Variants in DRAM2 observed in about 807,000 individuals in gnomAD.
DRAM2 encodes the protein DNA damage-regulated autophagy modulator protein 2.
Under a neutral mutation model 33.5 loss-of-function variants are expected in DRAM2, and 26 were observed. The ratio of observed to expected loss-of-function variants is 0.78; its 90% confidence interval spans 0.57 to 1.08. DRAM2 has a LOEUF of 1.08. Ranked by LOEUF, DRAM2 falls within the 50% of genes least tolerant of loss-of-function variation. The pLI, the probability that DRAM2 is intolerant of heterozygous loss-of-function variation, is 0.00. For missense variants in DRAM2, 311 were observed against 318.1 expected (o/e 0.98, Z 0.17); for synonymous variants, 98 against 109.5 (o/e 0.89, Z 0.66).
At chr1:111,127,407 A>C (rs1651223053) in intron 4 of DRAM2, among the ~76,000 whole-genome samples, 1 of 152,144 alleles carries the variant, frequency 6.6e-6, no homozygotes, top group Non-Finnish European at 1.5e-5. Context: ...GAAAGTATTA[A>C]ACATGAATTG....
intron 4 of DRAM2, among the ~76,000 whole-genome samples, chr1:111,131,068 AT>A (rs1280213497): frequency 6.6e-6 from 1 of 152,094 alleles, no homozygotes; most frequent in Non-Finnish European, 1.5e-5. Flanking sequence ...CATGTTTGTC[AT>A]TTCCATTATC....
At chr1:111,136,385 T>G (rs1340900326) in intron 3 of DRAM2, among the ~76,000 whole-genome samples, 3 of 151,956 alleles carry the variant, frequency 2.0e-5, no homozygotes, top group Non-Finnish European at 4.4e-5. Flanking sequence ...GCCAGCACGG[T>G]GAAACCCAGT....
At chr1:111,131,737 G>A (rs926240714) in intron 3 of DRAM2, among the ~76,000 whole-genome samples, 169 bp from the exon 4 acceptor site, 3 of 152,054 alleles carry the variant, frequency 2.0e-5, no homozygotes, top group African/African-American at 7.2e-5. Context: ...CTTAGTGAGC[G>A]CAACCAAGAT....
intron 6 of DRAM2, among the ~76,000 whole-genome samples, chr1:111,123,535 A>G (rs1198461205): frequency 2.0e-5 from 3 of 152,122 alleles, no homozygotes; most frequent in African/African-American, 4.8e-5. Context: ...CACCATAAAT[A>G]TATCACCTCT....
rs376956926 is a variant in DRAM2, at chr1:111,119,822, A to C, written c.600+55T>G. ...ATGAAATGAAAAACATATCAAGATCAATCAAAATAACCATCTTTAATATAA... is the reference window on the plus strand; with the variant it reads ...ATGAAATGAAAAACATATCAAGATCCATCAAAATAACCATCTTTAATATAA... On this transcript the variant is annotated intron_variant, in intron 8 of 9. Coordinates refer to ENST00000484310, the MANE Select transcript of DRAM2 (RefSeq NM_001349884.2). The C allele has an allele frequency of 4.4e-6, 6 of 1,354,140 alleles. No individual in the cohort carries two copies. The East Asian group carries it at 1.2e-4, about 26-fold the overall frequency. 83.9% of individuals were successfully genotyped at this position (1,354,140 alleles called of 1,614,324 possible).
Position 111,118,086 on chromosome 1 carries a change from G to A in DRAM2, c.*74C>T, listed in dbSNP as rs1649266855. On this transcript the variant is annotated 3_prime_UTR_variant, in exon 10 of 10. Coordinates refer to ENST00000484310, the MANE Select transcript of DRAM2 (RefSeq NM_001349884.2). ...TTAAGTGGTTGAAAATTTCAGAGAA[G>A]AATAAGCAACTTCTGTGAACCTTTC... The A allele has an allele frequency of 2.0e-5, 28 of 1,425,120 alleles. No homozygotes were observed. The South Asian group carries it at 3.2e-4, about 16-fold the overall frequency. The allele number at this position is 1,425,120 out of a possible 1,614,324, so 88.3% of individuals were successfully genotyped here.
At chr1:111,138,617 C>T (rs1653792453) in intron 2 of DRAM2, among the ~76,000 whole-genome samples, 1 of 152,158 alleles carries the variant, frequency 6.6e-6, no homozygotes, top group African/African-American at 2.4e-5. Context: ...CACCCTGTCT[C>T]TACTAAAAAT....
intron 2 of DRAM2, among the ~76,000 whole-genome samples, chr1:111,138,284 C>T (rs1014062390): frequency 3.3e-5 from 5 of 152,080 alleles, no homozygotes; most frequent in African/African-American, 1.2e-4. Flanking sequence ...TACCAGTTTG[C>T]GAATGACAAC....
chr1:111,131,689 C>T lies in DRAM2; in HGVS notation c.-14-121G>A, dbSNP rs958857747. ...AAGCTGTTTCACCTCTGAAATCATC[C>T]CTCATGCCATACCCCAATACTCGCT... On this transcript the variant is annotated intron_variant, in intron 3 of 9. Coordinates refer to ENST00000484310, the MANE Select transcript of DRAM2 (RefSeq NM_001349884.2). 6 of 879,212 alleles carry T rather than the reference C, an allele frequency of 6.8e-6. No individual in the cohort carries two copies. In the African/African-American group the frequency reaches 1.0e-4, roughly 15 times the overall value. 54.5% of individuals were successfully genotyped at this position (879,212 alleles called of 1,614,324 possible).
intron 3 of DRAM2, among the ~76,000 whole-genome samples, chr1:111,135,639 T>A (rs1653005998): frequency 6.6e-6 from 1 of 152,250 alleles, no homozygotes; most frequent in Non-Finnish European, 1.5e-5. Context: ...TCCTTCTTTT[T>A]CTTCAAAAGC....
At chr1:111,121,112 T>C (rs569939870) in intron 6 of DRAM2, among the ~76,000 whole-genome samples, 3 of 152,146 alleles carry the variant, frequency 2.0e-5, no homozygotes, top group East Asian at 3.9e-4. Flanking sequence ...TTCCAGTGTG[T>C]CTGATGGTGA....
chr1:111,133,836 C>T (rs1296704364), intron 3 of DRAM2, among the ~76,000 whole-genome samples: 1 of 152,224 alleles, frequency 6.6e-6, no homozygotes, highest in Non-Finnish European at 1.5e-5. Context: ...TAGAACACTA[C>T]CTACCCAGTT....
chr1:111,130,629 G>T (rs953310651), intron 4 of DRAM2, among the ~76,000 whole-genome samples: 1 of 151,876 alleles, frequency 6.6e-6, no homozygotes, highest in African/African-American at 2.4e-5. Context: ...GAACCTGGGA[G>T]GCGGAAGTTG....
chr1:111,126,372 C>T, intron 4 of DRAM2, 78 bp from the exon 5 acceptor site: 1 of 824,562 alleles, frequency 1.2e-6, no homozygotes, highest in Non-Finnish European at 2.1e-6. Context: ...ATAAGAATAT[C>T]AGGAGTTAAT....
rs186676408 is a variant in DRAM2, at chr1:111,119,886, G to A, written c.591C>T (p.Pro197=). 1.4e-5 allele frequency: 22 copies of A among 1,612,342 alleles called. No individual in the cohort carries two copies. Among genetic ancestry groups the A allele is most frequent in the Middle Eastern group, 1.7e-4 (1 of 6,054 alleles). The change falls in exon 8 of 10, where the codon CCC becomes CCT. Residue 197 remains proline (P), a synonymous_variant. Coordinates refer to ENST00000484310, the MANE Select transcript of DRAM2 (RefSeq NM_001349884.2). ...TDLEQKLHWN[P]EDKGYVLHMI... ...GACTGTAAGTTCTTACTTTGTCCTCGGGGTTCCAATGGAGTTTCTGTTCTA... is the reference window on the plus strand; with the variant it reads ...GACTGTAAGTTCTTACTTTGTCCTCAGGGTTCCAATGGAGTTTCTGTTCTA...
At chr1:111,120,005 GAACA>G (rs1300226324) in intron 7 of DRAM2, 46 bp from the exon 8 acceptor site, 1 of 1,520,724 alleles carries the variant, frequency 6.6e-7, no homozygotes, top group Non-Finnish European at 9.1e-7. Flanking sequence ...CGATCTCAGA[GAACA>G]AAAATCACTT....
At chr1:111,131,284 T>C (rs1652021325) in intron 4 of DRAM2, 140 bp downstream of exon 4, 16 of 939,874 alleles carry the variant, frequency 1.7e-5, no homozygotes, top group Admixed American at 5.9e-5. Flanking sequence ...CAAATTCAAG[T>C]TCCTTTTTAT....
chr1:111,117,907 T>A lies in DRAM2; in HGVS notation c.*253A>T. Reference sequence around the variant, plus strand: ...AAATAAGGTATAAAAAACTATGATATCATAGTCTTTTGACTTTATTTTCTG... The same window carrying A: ...AAATAAGGTATAAAAAACTATGATAACATAGTCTTTTGACTTTATTTTCTG... On this transcript the variant is annotated 3_prime_UTR_variant, in exon 10 of 10. Coordinates refer to ENST00000484310, the MANE Select transcript of DRAM2 (RefSeq NM_001349884.2). 1 of 474,202 alleles carries A rather than the reference T, an allele frequency of 2.1e-6. No individual in the cohort carries two copies. The highest frequency in any genetic ancestry group is 3.8e-6 in the Non-Finnish European group (1 of 264,386). 29.4% of individuals were successfully genotyped at this position (474,202 alleles called of 1,614,324 possible).
chr1:111,128,146 T>C (rs2101063020), intron 4 of DRAM2: 1 of 149,680 alleles, frequency 6.7e-6, no homozygotes, highest in East Asian at 1.9e-4. Context: ...TTTTTTTTTT[T>C]TTTTTTTTTT....
Sources: gnomAD v4.1 joint callset for allele counts (sites outside exome capture counted in the v4.1 genomes callset) on GRCh38, gnomAD v4.1.1 for gene constraint, MANE v1.5 for transcripts, NCBI Gene and HGNC (gene_info 2026-07-23, HGNC 2026-07-21) for gene names.